Variants in SPTBN5 observed in about 807,000 individuals in gnomAD.
SPTBN5 encodes spectrin beta, non-erythrocytic 5.
Under a neutral mutation model 477.6 loss-of-function variants are expected in SPTBN5, and 513 were observed. The ratio of observed to expected loss-of-function variants is 1.07; its 90% CI spans 1.00 to 1.16. SPTBN5 has a LOEUF of 1.16. SPTBN5 is among the 50% of genes most tolerant of loss of function. The pLI, the probability that SPTBN5 is intolerant of heterozygous loss-of-function variation, is 0.00. For synonymous variants in SPTBN5, 2,169 were observed against 2,011.7 expected, an observed-to-expected ratio of 1.08 and a Z score of -2.09; for missense variants, 5,062 against 4,731.8, an observed-to-expected ratio of 1.07 and a Z score of -2.05.
chr15:41,877,110 C>G lies in SPTBN5; in HGVS notation c.3711+6G>C. The G allele has an allele frequency of 6.2e-7, 1 of 1,613,734 alleles. No homozygotes were observed. Among genetic ancestry groups the G allele is most frequent in the Admixed American group, 1.7e-5 (1 of 60,002 alleles). On this transcript the variant is annotated splice_donor_region_variant and intron_variant, in intron 18 of 67. Transcript: ENST00000320955. Reference sequence around the variant, plus strand: ...GACAGCCTAGCTCCACATTCCTGCTCCATACCCCAAGGTTGTCCAGGTGCA... The same window carrying G: ...GACAGCCTAGCTCCACATTCCTGCTGCATACCCCAAGGTTGTCCAGGTGCA...
intron 29 of SPTBN5, 81 bp downstream of exon 29, chr15:41,871,294 A>C: frequency 2.3e-6 from 3 of 1,316,904 alleles, no homozygotes; most frequent in Non-Finnish European, 2.9e-6. Flanking sequence ...ACAGCATGCC[A>C]TCCTCTCTTA....
chr15:41,861,987 G>A, intron 44 of SPTBN5, 64 bp from the exon 45 acceptor site: 9 of 1,550,200 alleles, frequency 5.8e-6, no homozygotes, highest in Non-Finnish European at 7.8e-6. Flanking sequence ...GGAGAGAGGT[G>A]GGGAAGCAGC....
Position 41,864,032 on chromosome 15 carries a change from G to A in SPTBN5, c.6919-8C>T. 2 of 1,607,806 alleles carry A rather than the reference G, an allele frequency of 1.2e-6. No homozygotes were observed. The highest frequency in any genetic ancestry group is 2.2e-5 in the South Asian group (2 of 90,722). ...GGCATCACCCACTGTGTCCTGCAGG[G>A]GAGGTATGGGTGAGGGCATTGGCAC... On this transcript the variant is annotated splice_polypyrimidine_tract_variant and splice_region_variant and intron_variant, in intron 39 of 67. Transcript: ENST00000320955.
intron 56 of SPTBN5, 143 bp from the exon 57 acceptor site, chr15:41,854,348 C>G: frequency 2.0e-6 from 2 of 995,892 alleles, no homozygotes; most frequent in South Asian, 3.4e-5. Flanking sequence ...AGAAACCATC[C>G]TCCATGCTGC....
In SPTBN5 at chr15:41,861,426, C is replaced by T; in HGVS notation, c.7808G>A (p.Gly2603Asp). 1 of 1,613,244 alleles carries T rather than the reference C, an allele frequency of 6.2e-7. No individual in the cohort carries two copies. Among genetic ancestry groups the T allele is most frequent in the Non-Finnish European group, 8.5e-7 (1 of 1,179,540 alleles). The change falls in exon 46 of 68, where the codon GGT becomes GAT. Residue 2603 changes from glycine (G) to aspartate (D), a missense_variant. By Grantham distance (94) the Gly-to-Asp change is moderately conservative. Transcript: ENST00000320955. The stretch of plus-strand genomic sequence containing the variant: ...TTCCTGCTGGGCACCTACCCATAGA[C>T]CCTCACTGGCTAGGGAGTCTTCCTT... Reference protein sequence around the residue: ...CSKEDSLASEGLWDPLAPMEP... With the variant: ...CSKEDSLASEDLWDPLAPMEP...
At chr15:41,848,800 C>G (rs4078788) in intron 67 of SPTBN5, among the ~76,000 whole-genome samples, 172 bp from the exon 68 acceptor site, 36,213 of 152,072 alleles carry the variant, frequency 0.24, 4,913 homozygotes, top group African/African-American at 0.37. Flanking sequence ...CACAGTGACG[C>G]GTGAGTGGGT....
chr15:41,855,332 C>T lies in SPTBN5; in HGVS notation c.9315G>A (p.Leu3105=), dbSNP rs2065900571. The change falls in exon 55 of 68, where the codon CTG becomes CTA. Residue 3105 remains leucine (L), a synonymous_variant. Coordinates refer to ENST00000320955, the MANE Select transcript of SPTBN5 (RefSeq NM_016642.4). The part of the protein sequence containing the change: ...EARGHGLQEQ[L]QLHQLERETL... ...TCTCTCGCTCCAGCTGGTGTAGCTG[C>T]AGCTGCTCCTGCAGGCCGTGCCCCC... 2 of 1,608,252 alleles carry T rather than the reference C, an allele frequency of 1.2e-6. No homozygotes were observed. Among genetic ancestry groups the T allele is most frequent in the African/African-American group, 1.3e-5 (1 of 74,940 alleles).
In SPTBN5 at chr15:41,882,074, G is replaced by T. The variant is rs750068900; in HGVS notation, c.2319C>A (p.Cys773Ter). The T allele has an allele frequency of 6.4e-7, 1 of 1,568,692 alleles. No individual in the cohort carries two copies. Among genetic ancestry groups the T allele is most frequent in the South Asian group, 1.2e-5 (1 of 86,706 alleles). ...TCTCGGCGGCCGCCTGGTCCTGACCGCAGGACGCTCTCTCCAGCGAGGATC... is the reference window on the plus strand; with the variant it reads ...TCTCGGCGGCCGCCTGGTCCTGACCTCAGGACGCTCTCTCCAGCGAGGATC... The part of the protein sequence containing the change: ...ERRSSLERAS[C>*]GQDQAAAETL... Residue 773 changes from cysteine to a stop codon, truncating the protein, a stop_gained, in exon 12 of 68, where the codon TGC (cysteine) becomes TGA (stop). Transcript: ENST00000320955. LOFTEE classifies it high-confidence loss of function.
chr15:41,853,690 T>G lies in SPTBN5; in HGVS notation c.9872A>C (p.Lys3291Thr), dbSNP rs763492506. 1.9e-6 allele frequency: 3 copies of G among 1,602,294 alleles called. No individual in the cohort carries two copies. In the Admixed American group the frequency reaches 5.1e-5, roughly 27 times the overall value. ...LHPAAPGGLA[K>T]VQEAWATLQA... ...CAGGGTGGCCCAGGCCTCCTGCACC[T>G]TGGCCAGGCCCCCCGGAGCTGCAGG... The change falls in exon 58 of 68, where the codon AAG becomes ACG. Residue 3291 changes from lysine to threonine, a missense_variant. Lys to Thr is a moderately conservative substitution (Grantham distance 78). Transcript: ENST00000320955.
rs752448919 is a variant in SPTBN5 at position 41,867,046 on chromosome 15, C to T, written c.6393G>A (p.Arg2131=). 6 of 1,552,870 alleles carry T rather than the reference C, an allele frequency of 3.9e-6. No homozygotes were observed. The East Asian group carries it at 1.5e-4, about 38-fold the overall frequency. ...TCTCCGCCAGCTCCTTCACTCTCAT[C>T]CGGCGCTGCAGCAGGATGGGAAGCC... is the stretch of plus-strand genomic sequence containing the variant. ...RDRLPILLQR[R]MRVKELAESR... The change falls in exon 36 of 68, where the codon CGG becomes CGA. Residue 2131 remains arginine (R), a synonymous_variant. Transcript: ENST00000320955.
At position 41,883,008 on chromosome 15, in the gene SPTBN5, A is replaced by G. The variant is rs1283927109; in HGVS notation, c.1880T>C (p.Leu627Pro). The G allele has an allele frequency of 6.5e-7, 1 of 1,544,192 alleles. No homozygotes were observed. The highest frequency in any genetic ancestry group is 2.4e-5 in the East Asian group (1 of 41,180). The change falls in exon 9 of 68, where the codon CTT becomes CCT. Residue 627 changes from leucine to proline, a missense_variant. Coordinates refer to ENST00000320955, the MANE Select transcript of SPTBN5 (RefSeq NM_016642.4). ...LAQLQQSLVALVRARRALLEQ... is the reference protein window; with the variant it reads ...LAQLQQSLVAPVRARRALLEQ... ...GGCAGGCTCTTACCGGGCCCTGACAAGAGCCACCAGGCTCTGTTGGAGCTG... is the reference window on the plus strand; with the variant it reads ...GGCAGGCTCTTACCGGGCCCTGACAGGAGCCACCAGGCTCTGTTGGAGCTG...
In SPTBN5 at chr15:41,879,750, C is replaced by T. The variant is rs1270516109; in HGVS notation, c.2926G>A (p.Glu976Lys). 1.9e-6 allele frequency: 3 copies of T among 1,613,918 alleles called. No individual in the cohort carries two copies. Among genetic ancestry groups the T allele is most frequent in the South Asian group, 2.2e-5 (2 of 91,072 alleles). The stretch of plus-strand genomic sequence containing the variant: ...CATTCTCACCTCTGGCTCAGTTCCT[C>T]CTGCTGTCGTTGGATTTGTGTGGAG... ...GNSTQIQRQQ[E>K]ELSQRWGQLE... Residue 976 changes from glutamate to lysine, a missense_variant, in exon 15 of 68, where the codon GAG (glutamate) becomes AAG (lysine). Transcript: ENST00000320955.
intron 67 of SPTBN5, 104 bp from the exon 68 acceptor site, chr15:41,848,732 C>G: frequency 7.3e-7 from 1 of 1,363,824 alleles, no homozygotes; most frequent in African/African-American, 1.4e-5. Context: ...CAGCCAGCCT[C>G]CTAGAATAAG....
At chr15:41,887,902 G>A (rs753423380) in intron 5 of SPTBN5, 26 bp downstream of exon 5, 1 of 1,597,120 alleles carries the variant, frequency 6.3e-7, no homozygotes, top group Non-Finnish European at 8.5e-7. Context: ...GTGGGCAGAG[G>A]CCTCCTGACA....
In SPTBN5 at chr15:41,851,805, G is replaced by C. The variant is rs962562381; in HGVS notation, c.10630C>G (p.Gln3544Glu). The change falls in exon 63 of 68, where the codon CAG (glutamine) becomes GAG (glutamate). Residue 3544 changes from glutamine (Q) to glutamate (E), a missense_variant. Coordinates refer to ENST00000320955, the MANE Select transcript of SPTBN5 (RefSeq NM_016642.4). Reference sequence around the variant, plus strand: ...TGCCTCCCGCCAGGCAGCAGGTGCTGCTTGAACTCCAAAGACCCCTCCATG... The same window carrying C: ...TGCCTCCCGCCAGGCAGCAGGTGCTCCTTGAACTCCAAAGACCCCTCCATG... Reference protein sequence around the residue: ...PTMEGSLEFKQHLLPGGRQPS... With the variant: ...PTMEGSLEFKEHLLPGGRQPS... The C allele has an allele frequency of 3.1e-6, 5 of 1,610,658 alleles. No individual in the cohort carries two copies. Among genetic ancestry groups the C allele is most frequent in the African/African-American group, 1.3e-5 (1 of 74,824 alleles).
At position 41,885,973 on chromosome 15, in the gene SPTBN5, C is replaced by A; in HGVS notation, c.1282G>T (p.Ala428Ser). The change falls in exon 7 of 68, where the codon GCC becomes TCC. Residue 428 changes from alanine to serine, a missense_variant. Ala to Ser is a moderately conservative substitution (Grantham distance 99, BLOSUM62 1). Coordinates refer to ENST00000320955, the MANE Select transcript of SPTBN5 (RefSeq NM_016642.4). ...LLQLQRLETL[A>S]RRFQHKAALR... The stretch of plus-strand genomic sequence containing the variant: ...GCTGCCTTGTGCTGGAAGCGCCGGG[C>A]CAGGGTTTCTAGCCGCTGCAGCTGC... The A allele has an allele frequency of 6.5e-7, 1 of 1,550,356 alleles. No homozygotes were observed. Among genetic ancestry groups the A allele is most frequent in the Non-Finnish European group, 8.7e-7 (1 of 1,149,096 alleles).
chr15:41,886,913 C>T (rs2140967278), intron 6 of SPTBN5, among the ~76,000 whole-genome samples: 1 of 152,352 alleles, frequency 6.6e-6, no homozygotes, highest in African/African-American at 2.4e-5. Context: ...CCTTTTAATC[C>T]CATTAGAAGC....
chr15:41,857,163 A>G, intron 51 of SPTBN5, 75 bp downstream of exon 51: 2 of 1,522,318 alleles, frequency 1.3e-6, no homozygotes, highest in Non-Finnish European at 1.8e-6. Flanking sequence ...GTGAGAAGAC[A>G]TCAGTTAAGA....
In SPTBN5 at chr15:41,856,841, G is replaced by T. The variant is rs769034353; in HGVS notation, c.8808+12C>A. The T allele has an allele frequency of 3.3e-6, 5 of 1,537,132 alleles. No individual in the cohort carries two copies. Among genetic ancestry groups the T allele is most frequent in the Non-Finnish European group, 4.4e-6 (5 of 1,136,942 alleles). Reference sequence around the variant, plus strand: ...CATGTGCGAGGCCAGCCCTCCCCGGGTGGGCCCACACCTGGTGCTGCTCCT... The same window carrying T: ...CATGTGCGAGGCCAGCCCTCCCCGGTTGGGCCCACACCTGGTGCTGCTCCT... On this transcript the variant is annotated intron_variant, in intron 52 of 67. Coordinates refer to ENST00000320955, the MANE Select transcript of SPTBN5 (RefSeq NM_016642.4).
Sources: gnomAD v4.1 joint callset for allele counts (sites outside exome capture counted in the v4.1 genomes callset) on GRCh38, gnomAD v4.1.1 for gene constraint, MANE v1.5 for transcripts, NCBI Gene and HGNC (gene_info 2026-07-23, HGNC 2026-07-21) for gene names.